The following BCR variants were observed in gnomAD, a reference collection of about 807,000 sequenced individuals.
The protein encoded by BCR is breakpoint cluster region protein.
In BCR, 58 loss-of-function variants were observed where a neutral mutation model predicts 138.6. The observed-to-expected ratio is 0.42, with a 90% CI of 0.34 to 0.52. The LOEUF (loss-of-function observed/expected upper bound fraction) is 0.52. Among genes scored for constraint, BCR ranks in the 20% least tolerant of loss-of-function variants. The pLI is 0.06. For missense variants in BCR, 1,599 were observed against 1,727.2 expected (o/e 0.93, Z 1.32); for synonymous variants, 786 against 730.1 (o/e 1.08, Z -1.23).
At chr22:23,205,855 C>T (rs1713131053) in intron 1 of BCR, among the ~76,000 whole-genome samples, 2 of 152,148 alleles carry the variant, frequency 1.3e-5, no homozygotes, top group Admixed American at 1.3e-4. Flanking sequence ...TGGCAGTGGG[C>T]TGGATTTGGC....
intron 1 of BCR, among the ~76,000 whole-genome samples, chr22:23,241,366 A>G (rs1337732416): frequency 1.3e-5 from 2 of 151,916 alleles, no homozygotes; most frequent in Non-Finnish European, 2.9e-5. Context: ...TCCTCTTTGG[A>G]GGGGCAGTGA....
chr22:23,185,557 C>T (rs911971444), intron 1 of BCR, among the ~76,000 whole-genome samples: 40 of 151,320 alleles, frequency 2.6e-4, no homozygotes, highest in African/African-American at 7.7e-4. Context: ...CCCAGCTACT[C>T]GGGAGGCTGA....
intron 4 of BCR, chr22:23,262,700 C>T (rs927753831): frequency 5.3e-6 from 1 of 187,520 alleles, no homozygotes; most frequent in Non-Finnish European, 7.2e-6. Context: ...ATGGCGGGCC[C>T]GGGTGAGGGC....
chr22:23,202,359 A>G (rs773093152), intron 1 of BCR, among the ~76,000 whole-genome samples: 1 of 152,234 alleles, frequency 6.6e-6, no homozygotes, highest in African/African-American at 2.4e-5. Context: ...AATTAAAATT[A>G]TGGTAAAATA....
At chr22:23,233,729 G>A (rs1202834159) in intron 1 of BCR, among the ~76,000 whole-genome samples, 1 of 149,678 alleles carries the variant, frequency 6.7e-6, no homozygotes, top group African/African-American at 2.5e-5. Context: ...GTCGGGGGTT[G>A]TTGTGAGCTG....
rs1348305758 is a variant in BCR, at chr22:23,253,942, G to T, written c.1423G>T (p.Asp475Tyr). The T allele has an allele frequency of 1.9e-6, 3 of 1,613,138 alleles. No homozygotes were observed. The highest frequency in any genetic ancestry group is 2.5e-6 in the Non-Finnish European group (3 of 1,179,988). ...HLSSKGRGSR[D>Y]ALVSGALEST... ...CAGCAGCAAGGGCAGGGGCAGCCGG[G>T]ATGCGCTGGTCTCGGGAGCCCTGGA... Residue 475 changes from aspartate to tyrosine, a missense_variant, in exon 2 of 23, where the codon GAT becomes TAT. Coordinates refer to ENST00000305877, the MANE Select transcript of BCR (RefSeq NM_004327.4).
chr22:23,237,983 T>C (rs2073045256), intron 1 of BCR, among the ~76,000 whole-genome samples: 1 of 152,224 alleles, frequency 6.6e-6, no homozygotes, highest in Non-Finnish European at 1.5e-5. Flanking sequence ...CCGGTAATTA[T>C]GACAAGTGAT....
intron 4 of BCR, among the ~76,000 whole-genome samples, chr22:23,267,219 C>T (rs950371931): frequency 6.6e-6 from 1 of 151,934 alleles, no homozygotes; most frequent in African/African-American, 2.4e-5. Context: ...CAGTGACTTG[C>T]AAAGGAGGGA....
chr22:23,190,300 T>C (rs138777539), intron 1 of BCR, among the ~76,000 whole-genome samples: 3,645 of 152,272 alleles, frequency 0.024, 124 homozygotes, highest in African/African-American at 0.082. Context: ...TCCGAGTAGC[T>C]GGGATTACAG....
intron 1 of BCR, among the ~76,000 whole-genome samples, chr22:23,211,151 C>T (rs2072676597): frequency 6.6e-6 from 1 of 152,204 alleles, no homozygotes; most frequent in Non-Finnish European, 1.5e-5. Flanking sequence ...AATGGGATCA[C>T]ATGGTACATA....
At chr22:23,228,019 G>A (rs79669557) in intron 1 of BCR, among the ~76,000 whole-genome samples, 2,478 of 152,270 alleles carry the variant, frequency 0.016, 32 homozygotes, top group Non-Finnish European at 0.024. Flanking sequence ...AGAGTTGTTC[G>A]CAGTATTTCC....
chr22:23,291,755 G>T (rs961251187), intron 14 of BCR, among the ~76,000 whole-genome samples: 1 of 152,012 alleles, frequency 6.6e-6, no homozygotes, highest in East Asian at 1.9e-4. Flanking sequence ...CCATCCACCC[G>T]CATGGCCAAG....
chr22:23,200,951 G>C (rs781671928), intron 1 of BCR, among the ~76,000 whole-genome samples: 24 of 152,336 alleles, frequency 1.6e-4, no homozygotes, highest in Non-Finnish European at 2.9e-4. Context: ...CAGTCAGCAG[G>C]CTGGTACATT....
intron 1 of BCR, among the ~76,000 whole-genome samples, chr22:23,200,298 T>C (rs1279538836): frequency 6.6e-6 from 1 of 152,038 alleles, no homozygotes; most frequent in Non-Finnish European, 1.5e-5. Context: ...GCTGTTTTGG[T>C]TTGAAGCTCA....
chr22:23,203,194 A>G (rs117890375), intron 1 of BCR, among the ~76,000 whole-genome samples: 3 of 152,262 alleles, frequency 2.0e-5, no homozygotes, highest in East Asian at 1.9e-4. Context: ...GTTTCTGCCC[A>G]TGATGGGGTG....
intron 2 of BCR, chr22:23,254,627 G>A (rs752102217): frequency 5.8e-6 from 3 of 517,316 alleles, no homozygotes; most frequent in Non-Finnish European, 7.7e-6. Flanking sequence ...GTGCTGGACC[G>A]CCCGGCCCTG....
intron 16 of BCR, chr22:23,302,526 A>G (rs1003940927): frequency 6.6e-6 from 1 of 152,290 alleles, no homozygotes; most frequent in Non-Finnish European, 1.5e-5. Context: ...GGCTGCAGAG[A>G]GCCAAGCGCC....
At chr22:23,216,169 G>T (rs1164271092) in intron 1 of BCR, among the ~76,000 whole-genome samples, 3 of 152,118 alleles carry the variant, frequency 2.0e-5, no homozygotes, top group Non-Finnish European at 2.9e-5. Context: ...TTTTTGTGGG[G>T]CCTGGCTTCA....
intron 16 of BCR, among the ~76,000 whole-genome samples, chr22:23,302,097 C>G (rs766868723): frequency 2.6e-5 from 4 of 152,186 alleles, no homozygotes; most frequent in Non-Finnish European, 5.9e-5. Context: ...CACCCCCACC[C>G]TCATGGAGCC....
Sources: gnomAD v4.1 joint callset for allele counts (sites outside exome capture counted in the v4.1 genomes callset) on GRCh38, gnomAD v4.1.1 for gene constraint, MANE v1.5 for transcripts, NCBI Gene and HGNC (gene_info 2026-07-23, HGNC 2026-07-21) for gene names.